Variants in DNAJA1 observed in about 807,000 individuals in gnomAD.
The protein encoded by DNAJA1 is dnaJ homolog subfamily A member 1.
In DNAJA1, 26 loss-of-function variants were observed where a neutral mutation model predicts 47.6. The ratio of observed to expected loss-of-function variants is 0.55; its 90% confidence interval spans 0.40 to 0.76. The LOEUF is 0.76. Among genes scored for constraint, DNAJA1 ranks in the 30% least tolerant of loss-of-function variants. The probability of loss-of-function intolerance (pLI) is 0.00; values close to 1 mark genes in which losing one functional copy is unlikely to be tolerated. For synonymous variants in DNAJA1, 165 were observed against 158.4 expected (o/e 1.04, Z -0.31); for missense variants, 315 against 485.0 (o/e 0.65, Z 3.29).
At chr9:33,025,599 C>G (rs12376749) in intron 1 of DNAJA1, among the ~76,000 whole-genome samples, 5 of 152,078 alleles carry the variant, frequency 3.3e-5, no homozygotes, top group African/African-American at 1.2e-4. Context: ...CCTAGACCTC[C>G]CTCCTTCCCC....
intron 5 of DNAJA1, among the ~76,000 whole-genome samples, chr9:33,031,729 C>T (rs1228561698): frequency 6.6e-6 from 1 of 152,156 alleles, no homozygotes; most frequent in Non-Finnish European, 1.5e-5. Flanking sequence ...CCATACCTGG[C>T]CTGGGCTAGT....
chr9:33,035,552 C>CAG (rs1564014462), intron 6 of DNAJA1, among the ~76,000 whole-genome samples: 9 of 152,238 alleles, frequency 5.9e-5, no homozygotes, highest in African/African-American at 2.2e-4. Context: ...TCACTGCAAC[C>CAG]TCCAACTCCC....
At chr9:33,031,926 G>C (rs1838968590) in intron 5 of DNAJA1, among the ~76,000 whole-genome samples, 1 of 151,882 alleles carries the variant, frequency 6.6e-6, no homozygotes, top group South Asian at 2.1e-4. Flanking sequence ...TGATTGATTT[G>C]TCAATTTTTA....
At chr9:33,028,245 G>C (rs894522413) in intron 3 of DNAJA1, among the ~76,000 whole-genome samples, 20 of 152,046 alleles carry the variant, frequency 1.3e-4, no homozygotes. Context: ...CTGGTTCGTT[G>C]CCTGCCATCT....
At chr9:33,032,280 T>G (rs892244828) in intron 5 of DNAJA1, among the ~76,000 whole-genome samples, 1 of 152,260 alleles carries the variant, frequency 6.6e-6, no homozygotes, top group African/African-American at 2.4e-5. Context: ...AAAAATAAGT[T>G]TCCTTGGCCA....
rs1838873442 is a variant in DNAJA1 at position 33,026,791 on chromosome 9, TCACTC to T, written c.133-20_133-16del. The T allele has an allele frequency of 1.9e-6, 3 of 1,602,944 alleles. No individual in the cohort carries two copies. Among genetic ancestry groups the T allele is most frequent in the Non-Finnish European group, 2.6e-6 (3 of 1,175,744 alleles). ...ACACTTGTTTTTTAAAAAATGAAATTCACTCCTCTTTTCTCAAACAGTTTAAACAG... is the reference window on the plus strand; with the variant it reads ...ACACTTGTTTTTTAAAAAATGAAATTCTCTTTTCTCAAACAGTTTAAACAG... On this transcript the variant is annotated splice_polypyrimidine_tract_variant and intron_variant, in intron 2 of 8. Coordinates refer to ENST00000330899, the MANE Select transcript of DNAJA1 (RefSeq NM_001539.4).
At chr9:33,034,060 C>CT (rs1469622238) in intron 5 of DNAJA1, among the ~76,000 whole-genome samples, 156 bp from the exon 6 acceptor site, 1 of 152,172 alleles carries the variant, frequency 6.6e-6, no homozygotes, top group East Asian at 1.9e-4. Flanking sequence ...ACTATGATAC[C>CT]TTTCTTCAGG....
At position 33,029,999 on chromosome 9, in the gene DNAJA1, T is replaced by G; in HGVS notation, c.415+10T>G. The G allele has an allele frequency of 2.5e-6, 4 of 1,608,294 alleles. No homozygotes were observed. The highest frequency in any genetic ancestry group is 3.4e-6 in the Non-Finnish European group (4 of 1,178,158). Reference sequence around the variant, plus strand: ...TGTGACAAATGTGAAGGTACGGTGTTTTTTTGTTTTGTTTTGTTTTGTTTT... The same window carrying G: ...TGTGACAAATGTGAAGGTACGGTGTGTTTTTGTTTTGTTTTGTTTTGTTTT... On this transcript the variant is annotated intron_variant, in intron 4 of 8. Coordinates refer to ENST00000330899, the MANE Select transcript of DNAJA1 (RefSeq NM_001539.4).
chr9:33,038,597 C>G, intron 8 of DNAJA1, 88 bp from the exon 9 acceptor site: 5 of 1,209,306 alleles, frequency 4.1e-6, no homozygotes, highest in Non-Finnish European at 5.8e-6. Context: ...TACGTGTTTA[C>G]ATGTGTTTTT....
rs769909487 is a variant in DNAJA1 at position 33,026,948 on chromosome 9, A to G, written c.268A>G (p.Met90Val). The G allele has an allele frequency of 3.1e-6, 5 of 1,614,046 alleles. No homozygotes were observed. The highest frequency in any genetic ancestry group is 4.2e-6 in the Non-Finnish European group (5 of 1,180,028). Residue 90 changes from methionine (M) to valine (V), a missense_variant, in exon 3 of 9, where the codon ATG becomes GTG. Transcript: ENST00000330899. ...GFGSPMDIFDMFFGGGGRMQR... is the reference protein window; with the variant it reads ...GFGSPMDIFDVFFGGGGRMQR... ...TGGCTCCCCCATGGACATCTTTGAT[A>G]TGTTTTTTGGAGGAGGAGGAAGGAT... is the stretch of plus-strand genomic sequence containing the variant.
chr9:33,030,234 T>TGTAATAAGTAAAATTTATTG (rs1352536396), intron 4 of DNAJA1, among the ~76,000 whole-genome samples: 1 of 138,358 alleles, frequency 7.2e-6, no homozygotes, highest in Non-Finnish European at 1.6e-5. Flanking sequence ...GTATCTTTTT[T>TGTAATAAGTAAAATTTATTG]GTAATAAGTA....
chr9:33,025,809 T>C (rs1173466273), intron 1 of DNAJA1, among the ~76,000 whole-genome samples: 1 of 152,142 alleles, frequency 6.6e-6, no homozygotes, highest in African/African-American at 2.4e-5. Flanking sequence ...GCTTTCTCTG[T>C]TTCCCCTCCC....
intron 1 of DNAJA1, among the ~76,000 whole-genome samples, chr9:33,025,683 C>G (rs958302331): frequency 1.4e-5 from 2 of 141,302 alleles, no homozygotes; most frequent in East Asian, 4.0e-4. Context: ...CCTCCCCGTC[C>G]GTGCTCGCTC....
intron 3 of DNAJA1, 133 bp from the exon 4 acceptor site, chr9:33,029,752 T>C (rs994502278): frequency 6.6e-6 from 4 of 604,614 alleles, no homozygotes; most frequent in Admixed American, 6.7e-5. Flanking sequence ...TCTGTGTATA[T>C]AGTAGGTAGT....
In DNAJA1 at chr9:33,029,877, T is replaced by C; in HGVS notation, c.311-8T>C. 6.3e-7 allele frequency: 1 copy of C among 1,596,806 alleles called. No individual in the cohort carries two copies. Among genetic ancestry groups the C allele is most frequent in the South Asian group, 1.1e-5 (1 of 88,034 alleles). On this transcript the variant is annotated splice_polypyrimidine_tract_variant and splice_region_variant and intron_variant, in intron 3 of 8. Transcript: ENST00000330899. The stretch of plus-strand genomic sequence containing the variant: ...AACAGATTTGCAATGAGAAATATTT[T>C]GTTTTAGGTAAAAATGTTGTACATC...
intron 5 of DNAJA1, among the ~76,000 whole-genome samples, chr9:33,031,781 A>G (rs10971349): frequency 0.07 from 10,720 of 152,196 alleles, 513 homozygotes; most frequent in Non-Finnish European, 0.11. Flanking sequence ...TTACTTGCCC[A>G]TCTATTATAT....
chr9:33,030,067 C>A, intron 4 of DNAJA1, 78 bp downstream of exon 4: 3 of 1,335,570 alleles, frequency 2.2e-6, no homozygotes, highest in South Asian at 1.3e-5. Flanking sequence ...GCTAAGACTT[C>A]TAGATAGATA....
In DNAJA1 at chr9:33,036,865, G is replaced by A. The variant is rs1839043070; in HGVS notation, c.875-150G>A. Reference sequence around the variant, plus strand: ...GGTCTTGGCTCTCTTGTCAGCCCTTGGAAAACCCATAAGTGAAAGGTAACA... The same window carrying A: ...GGTCTTGGCTCTCTTGTCAGCCCTTAGAAAACCCATAAGTGAAAGGTAACA... On this transcript the variant is annotated intron_variant, in intron 7 of 8. Transcript: ENST00000330899. The A allele has an allele frequency of 4.9e-6, 4 of 824,422 alleles. No individual in the cohort carries two copies. In the East Asian group the frequency reaches 1.1e-4, roughly 22 times the overall value. The allele number at this position is 824,422 out of a possible 1,614,324, so 51.1% of individuals were successfully genotyped here.
At position 33,026,477 on chromosome 9, in the gene DNAJA1, A is replaced by T; in HGVS notation, c.-8A>T. On this transcript the variant is annotated splice_region_variant and 5_prime_UTR_variant, in exon 2 of 9. Transcript: ENST00000330899. ...AAAGTTGCATTTTCTTATTTCAGGC[A>T]GTAGAAGATGGTGAAAGAAACAACT... The T allele has an allele frequency of 3.1e-6, 5 of 1,600,566 alleles. No individual in the cohort carries two copies. The highest frequency in any genetic ancestry group is 3.4e-6 in the Non-Finnish European group (4 of 1,176,782).
Sources: allele counts gnomAD v4.1 joint callset (sites outside exome capture counted in the v4.1 genomes callset), GRCh38; gene constraint gnomAD v4.1.1; transcripts MANE v1.5; gene names NCBI Gene and HGNC (gene_info 2026-07-23, HGNC 2026-07-21).